Variants in CHD7 observed in about 807,000 individuals in gnomAD.
CHD7 encodes ATP-dependent chromatin remodeler CHD7.
In CHD7, 24 loss-of-function variants were observed where a neutral mutation model predicts 307.3. That is an observed-to-expected ratio of 0.08 (90% CI 0.06 to 0.11). The LOEUF is 0.11. Ranked by LOEUF, CHD7 falls within the 10% of genes least tolerant of loss-of-function variation. The probability of loss-of-function intolerance (pLI) is 1.00; values close to 1 mark genes in which losing one functional copy is unlikely to be tolerated. For missense variants in CHD7, 3,106 were observed against 3,727.1 expected (o/e 0.83, Z 4.34); for synonymous variants, 1,363 against 1,349.9 (o/e 1.01, Z -0.21).
At chr8:60,812,146 C>T (rs190731460) in intron 7 of CHD7, among the ~76,000 whole-genome samples, 3 of 152,172 alleles carry the variant, frequency 2.0e-5, no homozygotes, top group Non-Finnish European at 4.4e-5. Flanking sequence ...ATTTTTTGTA[C>T]GGTCAGATTT....
chr8:60,732,460 C>T (rs1404457921), intron 1 of CHD7, among the ~76,000 whole-genome samples: 1 of 152,188 alleles, frequency 6.6e-6, no homozygotes, highest in Admixed American at 6.5e-5. Flanking sequence ...TGGTGATTGC[C>T]ACGGGGTCCC....
Position 60,841,830 on chromosome 8 carries a change from T to C in CHD7, c.4645-17T>C, listed in dbSNP as rs758580439. 6.2e-7 allele frequency: 1 copy of C among 1,608,542 alleles called. No individual in the cohort carries two copies. Among genetic ancestry groups the C allele is most frequent in the South Asian group, 1.1e-5 (1 of 90,492 alleles). ...CTCTTTGAGAAATGTCAAATGTATC[T>C]CCTCTTTTATTATTAGAACAACCTG... On this transcript the variant is annotated splice_polypyrimidine_tract_variant and intron_variant, in intron 20 of 37. Transcript: ENST00000423902.
chr8:60,698,178 C>G (rs1806579557), intron 1 of CHD7, among the ~76,000 whole-genome samples: 1 of 152,178 alleles, frequency 6.6e-6, no homozygotes, highest in Admixed American at 6.5e-5. Flanking sequence ...TTACCTTGTA[C>G]ATAAGCAAAA....
rs1278990404 is a variant in CHD7, at chr8:60,861,063, G to A, written c.7768G>A (p.Asp2590Asn). 3 of 1,613,554 alleles carry A rather than the reference G, an allele frequency of 1.9e-6. No homozygotes were observed. The highest frequency in any genetic ancestry group is 2.5e-6 in the Non-Finnish European group (3 of 1,179,718). ...GGGGGAAGATGCTCCTAAAAATAAG[G>A]ATTTAGTTGAATGGCTGAAGCTGCA... ...LVGEDAPKNK[D>N]LVEWLKLHPT... Residue 2590 changes from aspartate (D) to asparagine (N), a missense_variant, in exon 35 of 38, where the codon GAT (aspartate) becomes AAT (asparagine). Transcript: ENST00000423902.
At chr8:60,749,558 T>C (rs1461600587) in intron 2 of CHD7, among the ~76,000 whole-genome samples, 2 of 151,818 alleles carry the variant, frequency 1.3e-5, no homozygotes, top group Admixed American at 6.6e-5. Flanking sequence ...ACTACCTTTC[T>C]CACTTCTAAA....
At chr8:60,731,500 C>T (rs1808454552) in intron 1 of CHD7, among the ~76,000 whole-genome samples, 1 of 152,064 alleles carries the variant, frequency 6.6e-6, no homozygotes, top group Non-Finnish European at 1.5e-5. Context: ...TTTGAGTGTC[C>T]ACTAGAGGTC....
chr8:60,795,260 A>G (rs368381213), intron 4 of CHD7, 133 bp downstream of exon 4: 9 of 836,386 alleles, frequency 1.1e-5, no homozygotes, highest in African/African-American at 3.4e-5. Flanking sequence ...AGTCTGGAAC[A>G]TTATCTCCAT....
chr8:60,779,688 G>A (rs10101023), intron 2 of CHD7, among the ~76,000 whole-genome samples: 3,415 of 152,208 alleles, frequency 0.022, 86 homozygotes, highest in African/African-American at 0.059. Flanking sequence ...AAGCCTTGGC[G>A]TGTACAGTAG....
intron 2 of CHD7, among the ~76,000 whole-genome samples, chr8:60,750,079 G>GCCT (rs1206597649): frequency 1.3e-5 from 2 of 152,334 alleles, no homozygotes; most frequent in East Asian, 3.9e-4. Context: ...ATGGCTGATA[G>GCCT]CCTCGCTCCT....
chr8:60,759,290 A>G (rs1012201605), intron 2 of CHD7, among the ~76,000 whole-genome samples: 1 of 152,206 alleles, frequency 6.6e-6, no homozygotes, highest in Non-Finnish European at 1.5e-5. Flanking sequence ...GGAATGAGTC[A>G]GATAGCCTGT....
intron 1 of CHD7, among the ~76,000 whole-genome samples, chr8:60,704,302 G>C (rs556243218): frequency 5.1e-4 from 77 of 152,282 alleles, no homozygotes; most frequent in African/African-American, 1.8e-3. Context: ...GCCCAAGGCT[G>C]GTGGACAGTG....
chr8:60,763,275 T>A (rs1405246146), intron 2 of CHD7, among the ~76,000 whole-genome samples: 1 of 152,194 alleles, frequency 6.6e-6, no homozygotes, highest in Non-Finnish European at 1.5e-5. Flanking sequence ...GATGAGATAT[T>A]TTACATTGTT....
At chr8:60,815,481 G>A (rs1294701788) in intron 7 of CHD7, among the ~76,000 whole-genome samples, 1 of 152,120 alleles carries the variant, frequency 6.6e-6, no homozygotes, top group African/African-American at 2.4e-5. Context: ...TGGGACAAAA[G>A]AATATTGAAG....
chr8:60,847,235 G>A lies in CHD7; in HGVS notation c.5211-1280G>A, dbSNP rs778866904. On this transcript the variant is annotated intron_variant, in intron 23 of 37. Transcript: ENST00000423902. ...GGCCTGTTGAGGAGCATCTGTTGAT[G>A]TGTGATTGGGAGTTGTCTGTTCTGG... Among the ~76,000 whole-genome samples the A allele has an allele frequency of 2.4e-4, 36 of 152,192 alleles. 1 individual carries two copies. Among genetic ancestry groups the A allele is most frequent in the South Asian group, 2.1e-4 (1 of 4,820 alleles).
At chr8:60,803,377 T>C (rs938708797) in intron 6 of CHD7, among the ~76,000 whole-genome samples, 1 of 152,228 alleles carries the variant, frequency 6.6e-6, no homozygotes, top group Non-Finnish European at 1.5e-5. Flanking sequence ...CATTGCTTTT[T>C]CTTTCTGTTT....
chr8:60,757,687 AC>A (rs1809963506), intron 2 of CHD7, among the ~76,000 whole-genome samples: 1 of 152,196 alleles, frequency 6.6e-6, no homozygotes, highest in African/African-American at 2.4e-5. Flanking sequence ...GGAAAGGGGG[AC>A]TTTTAGAAAA....
At chr8:60,833,074 G>T (rs1039846490) in intron 15 of CHD7, among the ~76,000 whole-genome samples, 4 of 152,150 alleles carry the variant, frequency 2.6e-5, no homozygotes, top group Admixed American at 2.0e-4. Context: ...TTGCTCCAGG[G>T]CCCGTACTGT....
chr8:60,800,006 C>T (rs868808016), intron 4 of CHD7, among the ~76,000 whole-genome samples: 2 of 151,932 alleles, frequency 1.3e-5, no homozygotes, highest in East Asian at 3.9e-4. Flanking sequence ...TTCATCCTTC[C>T]ACTCTGCGCC....
At chr8:60,747,841 A>G (rs1321812834) in intron 2 of CHD7, among the ~76,000 whole-genome samples, 1 of 152,220 alleles carries the variant, frequency 6.6e-6, no homozygotes, top group African/African-American at 2.4e-5. Context: ...TTATCTCTGA[A>G]GTGAGGGATC....
Sources: allele counts gnomAD v4.1 joint callset (sites outside exome capture counted in the v4.1 genomes callset), GRCh38; gene constraint gnomAD v4.1.1; transcripts MANE v1.5; gene names NCBI Gene and HGNC (gene_info 2026-07-23, HGNC 2026-07-21).